The following MYO1D variants were observed in gnomAD, a reference collection of about 807,000 sequenced individuals.
MYO1D encodes myosin ID.
MYO1D carries 83 observed loss-of-function variants against 122.0 expected under a neutral mutation model. That is an observed-to-expected ratio of 0.68 (90% confidence interval 0.57 to 0.82). The LOEUF is 0.82. Among genes scored for constraint, MYO1D ranks in the 40% least tolerant of loss-of-function variants. The probability of loss-of-function intolerance (pLI) is 0.00; values close to 1 mark genes in which losing one functional copy is unlikely to be tolerated. For synonymous variants in MYO1D, 464 were observed against 446.9 expected (o/e 1.04, Z -0.48); for missense variants, 1,157 against 1,269.5 (o/e 0.91, Z 1.35).
intron 14 of MYO1D, among the ~76,000 whole-genome samples, chr17:32,728,210 A>ATT (rs34100497): frequency 1.0e-4 from 15 of 144,588 alleles, no homozygotes; most frequent in Non-Finnish European, 1.7e-4. Flanking sequence ...ATTGAATGCA[A>ATT]TTTTTTTTTT....
intron 16 of MYO1D, among the ~76,000 whole-genome samples, chr17:32,706,925 T>A (rs1360161775): frequency 6.6e-6 from 1 of 151,964 alleles, no homozygotes; most frequent in African/African-American, 2.4e-5. Context: ...CCCGATCTCC[T>A]GACCTTGTGA....
intron 6 of MYO1D, 29 bp downstream of exon 6, chr17:32,771,096 T>TG (rs777515551): frequency 5.3e-6 from 8 of 1,500,456 alleles, no homozygotes; most frequent in Admixed American, 3.4e-5. Flanking sequence ...GATTTTCTAT[T>TG]GGAGCAATCT....
chr17:32,804,511 C>G (rs959284616), intron 1 of MYO1D, among the ~76,000 whole-genome samples: 3 of 152,166 alleles, frequency 2.0e-5, no homozygotes, highest in Non-Finnish European at 2.9e-5. Flanking sequence ...TTTCTTGACA[C>G]CTCTAGCCTG....
In MYO1D at chr17:32,755,497, G is replaced by A. The variant is rs746780575; in HGVS notation, c.1462C>T (p.Arg488Ter). 12 of 1,613,218 alleles carry A rather than the reference G, an allele frequency of 7.4e-6. No individual in the cohort carries two copies. The highest frequency in any genetic ancestry group is 6.7e-5 in the African/African-American group (5 of 74,854). ...KLGKHAHFSSRKLCASDKILE... is the reference protein window; with the variant it reads ...KLGKHAHFSS ...GGTGTCATTAAACACATTACCTTTC[G>A]GCTGGAAAAATGGGCGTGTTTGCCC... Residue 488 changes from arginine (R) to a stop codon, truncating the protein, a stop_gained, in exon 11 of 22, where the codon CGA becomes TGA. Coordinates refer to ENST00000318217, the MANE Select transcript of MYO1D (RefSeq NM_015194.3). LOFTEE classifies it high-confidence loss of function.
intron 20 of MYO1D, among the ~76,000 whole-genome samples, chr17:32,632,811 T>G (rs1251514968): frequency 6.6e-6 from 1 of 152,090 alleles, no homozygotes. Context: ...ATAATACCTT[T>G]GTCCAACAGT....
intron 21 of MYO1D, among the ~76,000 whole-genome samples, chr17:32,508,276 T>C (rs1348333370): frequency 6.6e-6 from 1 of 150,934 alleles, no homozygotes; most frequent in Non-Finnish European, 1.5e-5. Flanking sequence ...ACCCAGTCTA[T>C]GGTATCTTTT....
intron 1 of MYO1D, among the ~76,000 whole-genome samples, chr17:32,797,811 A>C (rs958990044): frequency 6.6e-6 from 1 of 152,248 alleles, no homozygotes; most frequent in Non-Finnish European, 1.5e-5. Context: ...TTACTGTCAC[A>C]AAACTTTTTA....
chr17:32,859,407 T>C (rs1466157636), intron 1 of MYO1D, among the ~76,000 whole-genome samples: 1 of 152,204 alleles, frequency 6.6e-6, no homozygotes, highest in African/African-American at 2.4e-5. Flanking sequence ...ACTCAGGTCC[T>C]CATGCATTGG....
intron 8 of MYO1D, among the ~76,000 whole-genome samples, chr17:32,762,865 C>A (rs187563987): frequency 1.4e-5 from 2 of 140,100 alleles, no homozygotes; most frequent in Non-Finnish European, 3.1e-5. Flanking sequence ...CAGAGAGACA[C>A]CGTCTCAAAA....
intron 1 of MYO1D, among the ~76,000 whole-genome samples, chr17:32,834,769 T>TTC (rs2090805532): frequency 6.6e-6 from 1 of 152,206 alleles, no homozygotes; most frequent in African/African-American, 2.4e-5. Context: ...ATCCCAGCAC[T>TTC]TCGGAAGGCC....
At chr17:32,664,642 C>T (rs977963889) in intron 16 of MYO1D, among the ~76,000 whole-genome samples, 6 of 152,076 alleles carry the variant, frequency 3.9e-5, no homozygotes, top group African/African-American at 1.4e-4. Flanking sequence ...CAGAGGATAT[C>T]GGGTAGAGAG....
At chr17:32,739,848 CGAA>C (rs1197840883) in intron 13 of MYO1D, among the ~76,000 whole-genome samples, 4 of 152,050 alleles carry the variant, frequency 2.6e-5, no homozygotes, top group African/African-American at 9.7e-5. Context: ...GAGCGCAGAG[CGAA>C]GAAGACAAAT....
chr17:32,637,003 T>C (rs2088110047), intron 20 of MYO1D, among the ~76,000 whole-genome samples: 1 of 152,246 alleles, frequency 6.6e-6, no homozygotes, highest in Non-Finnish European at 1.5e-5. Flanking sequence ...TAAACATTGT[T>C]AGTTTTTATG....
intron 1 of MYO1D, among the ~76,000 whole-genome samples, chr17:32,807,812 A>G (rs183060248): frequency 2.0e-5 from 3 of 152,338 alleles, no homozygotes; most frequent in Admixed American, 1.3e-4. Context: ...GCCTTCTTAC[A>G]TTAAAGCCAC....
chr17:32,763,691 A>C (rs1006340238), intron 8 of MYO1D, among the ~76,000 whole-genome samples: 1 of 152,302 alleles, frequency 6.6e-6, no homozygotes, highest in African/African-American at 2.4e-5. Context: ...AGGCCAAGGC[A>C]GGTAGATCGC....
intron 19 of MYO1D, among the ~76,000 whole-genome samples, chr17:32,639,580 A>G (rs1397281014): frequency 1.3e-5 from 2 of 152,082 alleles, no homozygotes; most frequent in Non-Finnish European, 1.5e-5. Context: ...CTGTCACCCA[A>G]GATAGTGTGT....
At chr17:32,721,246 G>A in intron 14 of MYO1D, 57 bp from the exon 15 acceptor site, 1 of 1,508,550 alleles carries the variant, frequency 6.6e-7, no homozygotes, top group South Asian at 1.2e-5. Flanking sequence ...CCCAGCTAGG[G>A]ACACTAACAT....
chr17:32,572,030 A>G (rs1323088264), intron 21 of MYO1D, among the ~76,000 whole-genome samples: 1 of 152,104 alleles, frequency 6.6e-6, no homozygotes, highest in Non-Finnish European at 1.5e-5. Flanking sequence ...TCCTTTTACA[A>G]CAGACCTAGG....
chr17:32,708,195 C>T (rs1003751999), intron 16 of MYO1D, among the ~76,000 whole-genome samples: 1 of 152,062 alleles, frequency 6.6e-6, no homozygotes, highest in African/African-American at 2.4e-5. Flanking sequence ...GTACAAAGTA[C>T]TGCAGAAAAA....
Sources: allele counts gnomAD v4.1 joint callset (sites outside exome capture counted in the v4.1 genomes callset), GRCh38; gene constraint gnomAD v4.1.1; transcripts MANE v1.5; gene names NCBI Gene and HGNC (gene_info 2026-07-23, HGNC 2026-07-21).